The following SHANK1 variants were observed in gnomAD, a reference collection of about 807,000 sequenced individuals.
SHANK1 encodes SH3 and multiple ankyrin repeat domains 1.
SHANK1 carries 35 observed loss-of-function variants against 165.6 expected under a neutral mutation model. The ratio of observed to expected loss-of-function variants is 0.21; its 90% confidence interval spans 0.16 to 0.28. The LOEUF (loss-of-function observed/expected upper bound fraction) is 0.28, where lower values mean the gene tolerates loss of function less well. SHANK1 is among the 10% of genes least tolerant of loss of function. SHANK1 has a pLI of 1.00. For synonymous variants in SHANK1, 1,428 were observed against 1,384.8 expected, an observed-to-expected ratio of 1.03 and a Z score of -0.69; for missense variants, 2,681 against 3,036.4, an observed-to-expected ratio of 0.88 and a Z score of 2.75.
chr19:50,705,162 G>T (rs1337771565), intron 8 of SHANK1, among the ~76,000 whole-genome samples: 2 of 150,800 alleles, frequency 1.3e-5, no homozygotes, highest in Non-Finnish European at 3.0e-5. Flanking sequence ...CCAACATGGT[G>T]AAACCCCGTC....
At chr19:50,684,241 T>C (rs1443172514) in intron 21 of SHANK1, among the ~76,000 whole-genome samples, 2 of 152,066 alleles carry the variant, frequency 1.3e-5, no homozygotes, top group South Asian at 4.2e-4. Flanking sequence ...TTTTTTTTTT[T>C]TGAGACAGAG....
chr19:50,687,147 C>T (rs1417032354), intron 19 of SHANK1: 3 of 616,868 alleles, frequency 4.9e-6, no homozygotes, highest in Middle Eastern at 3.7e-4. Flanking sequence ...GGGGTGGGGG[C>T]GGTCAGCTGT....
intron 8 of SHANK1, among the ~76,000 whole-genome samples, chr19:50,708,165 T>C (rs1368445176): frequency 6.6e-6 from 1 of 151,932 alleles, no homozygotes; most frequent in East Asian, 1.9e-4. Context: ...CAGACTTGTC[T>C]TGAACTCCTG....
intron 21 of SHANK1, among the ~76,000 whole-genome samples, chr19:50,681,166 C>A (rs1391315394): frequency 2.0e-5 from 3 of 151,160 alleles, no homozygotes; most frequent in African/African-American, 7.3e-5. Flanking sequence ...GATGCAGAAA[C>A]CTCATGAAGG....
In SHANK1 at chr19:50,704,120, C is replaced by A; in HGVS notation, c.1222G>T (p.Val408Leu). Reference protein sequence around the residue: ...LIRNHREQDVVPFQESPKYAA... With the variant: ...LIRNHREQDVLPFQESPKYAA... ...GCAGTCCGAGCTCCCTGTCACTCAC[C>A]CACATCCTGTTCTCGGTGGTTTCGG... is the stretch of plus-strand genomic sequence containing the variant. Residue 408 changes from valine to leucine, a missense_variant and splice_region_variant, in exon 10 of 24, where the codon GTG becomes TTG. By Grantham distance (32) the Val-to-Leu change is conservative. Transcript: ENST00000293441. 6.2e-7 allele frequency: 1 copy of A among 1,613,866 alleles called. No homozygotes were observed. The highest frequency in any genetic ancestry group is 1.7e-5 in the Admixed American group (1 of 59,992).
At chr19:50,674,247 T>C (rs1396982547) in intron 21 of SHANK1, among the ~76,000 whole-genome samples, 1 of 152,054 alleles carries the variant, frequency 6.6e-6, no homozygotes, top group African/African-American at 2.4e-5. Context: ...TACAAGCAAG[T>C]GTTAGATGAG....
chr19:50,690,793 A>G lies in SHANK1; in HGVS notation c.1965-1514T>C, dbSNP rs1986514263. On this transcript the variant is annotated intron_variant, in intron 15 of 23. Coordinates refer to ENST00000293441, the MANE Select transcript of SHANK1 (RefSeq NM_016148.5). The surrounding 1 kb of genome is among the most constrained non-coding windows in gnomAD (Gnocchi z 4.9). ...TCGGATCTCAGTGTATTCCCATAACACGCCCTCTGAACACATACATCCCAG... is the reference window on the plus strand; with the variant it reads ...TCGGATCTCAGTGTATTCCCATAACGCGCCCTCTGAACACATACATCCCAG... 6.6e-6 allele frequency among the ~76,000 whole-genome samples: 1 copy of G among 151,802 alleles called. No homozygotes were observed. The highest frequency in any genetic ancestry group is 2.1e-4 in the South Asian group (1 of 4,806).
intron 19 of SHANK1, among the ~76,000 whole-genome samples, chr19:50,687,310 G>A (rs1055310750): frequency 6.6e-6 from 1 of 152,030 alleles, no homozygotes; most frequent in Non-Finnish European, 1.5e-5. Context: ...GGGACAAAAG[G>A]AAGGAGACAG....
In SHANK1 at chr19:50,711,436, C is replaced by T; in HGVS notation, c.1012G>A (p.Ala338Thr). 1 of 1,564,340 alleles carries T rather than the reference C, an allele frequency of 6.4e-7. No homozygotes were observed. Among genetic ancestry groups the T allele is most frequent in the Non-Finnish European group, 8.7e-7 (1 of 1,154,518 alleles). Residue 338 changes from alanine (A) to threonine (T), a missense_variant, in exon 8 of 24, where the codon GCT becomes ACT. Coordinates refer to ENST00000293441, the MANE Select transcript of SHANK1 (RefSeq NM_016148.5). Reference protein sequence around the residue: ...QHLEHLLFYGAEPGAQNASGN... With the variant: ...QHLEHLLFYGTEPGAQNASGN... ...GAGGCGTTCTGGGCTCCAGGCTCAG[C>T]CCCGTAGAAAAGCAGATGCTCCAGG... is the stretch of plus-strand genomic sequence containing the variant.
rs1231642164 is a variant in SHANK1 at position 50,660,922 on chromosome 19, AGG to A, written c.*1041_*1042del. On this transcript the variant is annotated 3_prime_UTR_variant, in exon 24 of 24. Transcript: ENST00000293441. ...GCGTGACCAAAAGTGACGGTGCAAA[AGG>A]GGCAAGAGGGAAGGCGGGGGGTGGG... Among the ~76,000 whole-genome samples, 3 of 89,692 alleles carry A rather than the reference AGG, an allele frequency of 3.3e-5. No homozygotes were observed. Among genetic ancestry groups the A allele is most frequent in the Non-Finnish European group, 6.3e-5 (3 of 47,422 alleles). 58.8% of individuals were successfully genotyped at this position (89,692 alleles called of 152,430 possible). A position where few individuals can be genotyped will look rare whatever the true frequency, so the allele number is the denominator to read the frequency against.
Position 50,686,967 on chromosome 19 carries a change from C to T in SHANK1, c.2390-155G>A, listed in dbSNP as rs753435286. The T allele has an allele frequency of 1.2e-5, 16 of 1,375,048 alleles. No individual in the cohort carries two copies. In the Admixed American group the frequency reaches 3.7e-4, roughly 32 times the overall value. The allele number at this position is 1,375,048 out of a possible 1,614,324, so 85.2% of individuals were successfully genotyped here. The stretch of plus-strand genomic sequence containing the variant: ...CGGGGTCAGGGAGGGGCGAGTCCGC[C>T]GGCGGGGTCGGGAGACGGGGGCCCT... On this transcript the variant is annotated intron_variant, in intron 19 of 23. Transcript: ENST00000293441. This position sits in a 1 kb window ranked among gnomAD's most constrained non-coding sequence, Gnocchi z 5.7.
chr19:50,676,049 A>T (rs150513568), intron 21 of SHANK1, among the ~76,000 whole-genome samples: 18 of 152,068 alleles, frequency 1.2e-4, no homozygotes, highest in African/African-American at 4.1e-4. Context: ...CCTGTCTGTA[A>T]TCTCAGCACT....
rs1001235509 is a variant in SHANK1, at chr19:50,659,290, A to G, written c.*2675T>C. 38 of 605,742 alleles carry G rather than the reference A, an allele frequency of 6.3e-5. No homozygotes were observed. In the African/African-American group the frequency reaches 7.3e-4, roughly 12 times the overall value. 37.5% of individuals were successfully genotyped at this position (605,742 alleles called of 1,614,324 possible). On this transcript the variant is annotated 3_prime_UTR_variant, in exon 24 of 24. Transcript: ENST00000293441. ...GGATACTGTGAGTTTAATTATAAAGAATGACCTGGTACAAAAGCCATTTCT... is the reference window on the plus strand; with the variant it reads ...GGATACTGTGAGTTTAATTATAAAGGATGACCTGGTACAAAAGCCATTTCT...
Position 50,702,553 on chromosome 19 carries a change from A to G in SHANK1, c.1661T>C (p.Val554Ala), listed in dbSNP as rs1327610043. The G allele has an allele frequency of 6.2e-7, 1 of 1,613,066 alleles. No individual in the cohort carries two copies. The highest frequency in any genetic ancestry group is 8.5e-7 in the Non-Finnish European group (1 of 1,179,860). ...CACAGCCATGAAGGAGCGTCCGGGT[A>G]CCGCTGAGTAGAGCTTCCTCCGCCT... ...RGRRRKLYSA[V>A]PGRSFMAVKS... is the part of the protein sequence containing the mutation. The change falls in exon 12 of 24, where the codon GTA becomes GCA. Residue 554 changes from valine to alanine, a missense_variant. By Grantham distance (64) the Val-to-Ala change is moderately conservative (BLOSUM62 0). Transcript: ENST00000293441. The surrounding 1 kb of genome is among the most constrained non-coding windows in gnomAD (Gnocchi z 5.3).
chr19:50,696,631 T>C (rs1986749829), intron 15 of SHANK1, among the ~76,000 whole-genome samples: 1 of 151,728 alleles, frequency 6.6e-6, no homozygotes, highest in Admixed American at 6.6e-5. Flanking sequence ...CCTCTGCCCT[T>C]CCCTCCCCCA....
At position 50,716,807 on chromosome 19, in the gene SHANK1, C is replaced by T. The variant is rs764819969; in HGVS notation, c.113G>A (p.Arg38Gln). 14 of 1,588,602 alleles carry T rather than the reference C, an allele frequency of 8.8e-6. No individual in the cohort carries two copies. Among genetic ancestry groups the T allele is most frequent in the South Asian group, 7.9e-5 (7 of 88,200 alleles). Reference sequence around the variant, plus strand: ...CCCACTGCCCTGGCCCCGGGTCCCCCGGGGGCCTCGACCTGGCCCGTCTGG... The same window carrying T: ...CCCACTGCCCTGGCCCCGGGTCCCCTGGGGGCCTCGACCTGGCCCGTCTGG... ...SSPDGPGRGP[R>Q]GTRGQGSGAP... Residue 38 changes from arginine (R) to glutamine (Q), a missense_variant, in exon 2 of 24, where the codon CGG becomes CAG. Transcript: ENST00000293441. This position sits in a 1 kb window ranked among gnomAD's most constrained non-coding sequence, Gnocchi z 8.4.
In SHANK1 at chr19:50,665,959, C is replaced by T. The variant is rs183595751; in HGVS notation, c.5768+233G>A. On this transcript the variant is annotated intron_variant, in intron 23 of 23. Coordinates refer to ENST00000293441, the MANE Select transcript of SHANK1 (RefSeq NM_016148.5). ...CCGGGAGGCAGAGGTTGTGGTGAGC[C>T]GAGATCACGCCATTGCACTCCAGCC... Among the ~76,000 whole-genome samples the T allele has an allele frequency of 2.8e-3, 413 of 146,066 alleles. 3 individuals carry two copies. Among genetic ancestry groups the T allele is most frequent in the African/African-American group, 9.9e-3 (383 of 38,862 alleles).
At position 50,695,249 on chromosome 19, in the gene SHANK1, C is replaced by A. The variant is rs1023906369; in HGVS notation, c.1964+1847G>T. Among the ~76,000 whole-genome samples, 3 of 140,048 alleles carry A rather than the reference C, an allele frequency of 2.1e-5. No homozygotes were observed. The East Asian group carries it at 6.5e-4, about 30-fold the overall frequency. 91.9% of individuals were successfully genotyped at this position (140,048 alleles called of 152,430 possible). A position where few individuals can be genotyped will look rare whatever the true frequency, so the allele number is the denominator to read the frequency against. ...AGGGCAGGGCCGGGGGCTCACATGC[C>A]GGGGGGCGCGGGGGCGCGGGGCGCG... On this transcript the variant is annotated intron_variant, in intron 15 of 23. Transcript: ENST00000293441.
At chr19:50,714,416 C>T in intron 4 of SHANK1, 126 bp from the exon 5 acceptor site, 8 of 778,154 alleles carry the variant, frequency 1.0e-5, no homozygotes, top group Middle Eastern at 2.4e-4. Flanking sequence ...AAGCTTCTAG[C>T]AGCCTCCTTT....
Sources: allele counts gnomAD v4.1 joint callset (sites outside exome capture counted in the v4.1 genomes callset), GRCh38; gene constraint gnomAD v4.1.1; non-coding constraint Gnocchi (gnomAD v3.1); transcripts MANE v1.5; gene names NCBI Gene and HGNC (gene_info 2026-07-23, HGNC 2026-07-21).